The following GARIN1A variants were observed in gnomAD, a reference collection of about 807,000 sequenced individuals.
GARIN1A encodes Golgi-associated RAB2 interactor protein 1A.
At chr7:128,703,462 GC>G in the GARIN1A span, among the ~76,000 whole-genome samples, 8 of 152,142 alleles carry the variant, frequency 5.3e-5, no homozygotes, top group Admixed American at 5.2e-4. Flanking sequence ...AAAACAGTTT[GC>G]GCCCAGCTGA....
chr7:128,681,313 A>C, the GARIN1A span, among the ~76,000 whole-genome samples: 309 of 152,210 alleles, frequency 2.0e-3, 1 homozygote, highest in Admixed American at 4.4e-3. Flanking sequence ...CTAGGGGGGA[A>C]CTGGGTTGTC....
the GARIN1A span, among the ~76,000 whole-genome samples, chr7:128,699,763 A>G: frequency 1.3e-5 from 2 of 152,328 alleles, no homozygotes; most frequent in African/African-American, 2.4e-5. Flanking sequence ...TAAATATTCT[A>G]TATCCTTACT....
chr7:128,697,797 T>C, the GARIN1A span: 1 of 153,610 alleles, frequency 6.5e-6, no homozygotes, highest in Non-Finnish European at 1.4e-5. Context: ...CCCAGCCCCC[T>C]GGCGGAGCGG....
chr7:128,673,917 T>C, the GARIN1A span, among the ~76,000 whole-genome samples: 1 of 151,420 alleles, frequency 6.6e-6, no homozygotes, highest in Non-Finnish European at 1.5e-5. Context: ...TAATGTGTGC[T>C]TTTTTTTTGA....
chr7:128,696,772 G>A, the GARIN1A span, among the ~76,000 whole-genome samples: 2 of 152,224 alleles, frequency 1.3e-5, no homozygotes, highest in African/African-American at 4.8e-5. Context: ...AGTCACCATG[G>A]CTGGAGGGCA....
chr7:128,693,452 G>T, the GARIN1A span: 1 of 172,490 alleles, frequency 5.8e-6, no homozygotes, highest in South Asian at 1.6e-4. Context: ...TAGTCATCGT[G>T]GTGCTGAAGC....
the GARIN1A span, among the ~76,000 whole-genome samples, chr7:128,689,044 C>A: frequency 6.6e-6 from 1 of 151,858 alleles, no homozygotes; most frequent in Non-Finnish European, 1.5e-5. Flanking sequence ...CTCGAGTGAT[C>A]CGCCAGCCTC....
chr7:128,698,123 A>T, the GARIN1A span, among the ~76,000 whole-genome samples: 5 of 152,142 alleles, frequency 3.3e-5, no homozygotes, highest in African/African-American at 1.2e-4. Context: ...AATCATTATT[A>T]ATTTTATTTC....
chr7:128,703,776 CAA>C, the GARIN1A span, among the ~76,000 whole-genome samples: 82 of 143,214 alleles, frequency 5.7e-4, no homozygotes, highest in Admixed American at 4.9e-4. Context: ...CATCCTGTCT[CAA>C]AAAAAAAAAA....
At chr7:128,679,988 T>G in the GARIN1A span, 1 of 1,290,454 alleles carries the variant, frequency 7.7e-7, no homozygotes, top group Non-Finnish European at 1.1e-6. Flanking sequence ...CCAAGAACTC[T>G]CTGAGCAGAC....
chr7:128,696,127 C>T, the GARIN1A span, among the ~76,000 whole-genome samples: 4 of 151,270 alleles, frequency 2.6e-5, no homozygotes, highest in Admixed American at 2.0e-4. Context: ...ATTCTCCCAC[C>T]TCAGCCTCCT....
chr7:128,698,918 C>T, the GARIN1A span, among the ~76,000 whole-genome samples: 1 of 152,172 alleles, frequency 6.6e-6, no homozygotes, highest in East Asian at 1.9e-4. Context: ...TCTGCTCCAG[C>T]CAGCTGAGCC....
the GARIN1A span, among the ~76,000 whole-genome samples, chr7:128,674,086 G>C: frequency 6.6e-6 from 1 of 151,926 alleles, no homozygotes; most frequent in Non-Finnish European, 1.5e-5. Context: ...GTAGAGATGG[G>C]GTTTCACCAT....
chr7:128,675,336 A>G, the GARIN1A span, among the ~76,000 whole-genome samples: 2 of 152,178 alleles, frequency 1.3e-5, no homozygotes, highest in African/African-American at 4.8e-5. Context: ...CTTTTGGGCC[A>G]CTAGAAACCA....
the GARIN1A span, among the ~76,000 whole-genome samples, chr7:128,701,800 A>G: frequency 1.3e-5 from 2 of 152,190 alleles, no homozygotes; most frequent in Non-Finnish European, 1.5e-5. Context: ...GGAGCTGAAC[A>G]TACTGATACA....
At chr7:128,672,341 G>A in the GARIN1A span, 1 of 1,463,890 alleles carries the variant, frequency 6.8e-7, no homozygotes, top group Non-Finnish European at 9.3e-7. Flanking sequence ...CCTGGCATTG[G>A]GCTGGGTCGG....
At chr7:128,678,433 C>T in the GARIN1A span, among the ~76,000 whole-genome samples, 1 of 152,162 alleles carries the variant, frequency 6.6e-6, no homozygotes, top group Non-Finnish European at 1.5e-5. Flanking sequence ...ACAGCATGAA[C>T]ATTTTCAAGG....
chr7:128,678,594 A>G, the GARIN1A span, among the ~76,000 whole-genome samples: 2 of 152,062 alleles, frequency 1.3e-5, no homozygotes, highest in African/African-American at 4.8e-5. Context: ...ACCTCAGGTC[A>G]GGAGTTCGAG....
the GARIN1A span, among the ~76,000 whole-genome samples, chr7:128,694,309 A>G: frequency 2.0e-5 from 3 of 152,158 alleles, no homozygotes; most frequent in Non-Finnish European, 2.9e-5. Context: ...AGGCGGGCGG[A>G]TCACTTGAGG....
Sources: gnomAD v4.1 joint callset for allele counts (sites outside exome capture counted in the v4.1 genomes callset) on GRCh38, gnomAD v4.1.1 for gene constraint, MANE v1.5 for transcripts, NCBI Gene and HGNC (gene_info 2026-07-23, HGNC 2026-07-21) for gene names.